The following PIK3C2G variants were observed in gnomAD, a reference collection of about 807,000 sequenced individuals.
PIK3C2G encodes the protein phosphatidylinositol-4-phosphate 3-kinase catalytic subunit type 2 gamma.
PIK3C2G carries 168 observed loss-of-function variants against 181.1 expected under a neutral mutation model. The ratio of observed to expected loss-of-function variants is 0.93; its 90% CI spans 0.82 to 1.05. The LOEUF (loss-of-function observed/expected upper bound fraction) is 1.05. Among genes scored for constraint, PIK3C2G ranks in the 50% least tolerant of loss-of-function variants. The pLI, the probability that PIK3C2G is intolerant of heterozygous loss-of-function variation, is 0.00. For missense variants in PIK3C2G, 1,869 were observed against 1,732.8 expected, an observed-to-expected ratio of 1.08 and a Z score of -1.40; for synonymous variants, 573 against 592.2, an observed-to-expected ratio of 0.97 and a Z score of 0.47.
chr12:18,552,137 A>G (rs1400826789), intron 26 of PIK3C2G, among the ~76,000 whole-genome samples: 1 of 152,076 alleles, frequency 6.6e-6, no homozygotes, highest in Non-Finnish European at 1.5e-5. Flanking sequence ...TGTGGATGGC[A>G]TCCCGAGAGT....
intron 18 of PIK3C2G, among the ~76,000 whole-genome samples, chr12:18,458,559 C>A (rs893558550): frequency 6.6e-6 from 1 of 151,926 alleles, no homozygotes; most frequent in African/African-American, 2.4e-5. Context: ...GATCCCCTGC[C>A]CTACAATGTG....
At chr12:18,311,721 TAGTC>T (rs1950646743) in intron 5 of PIK3C2G, among the ~76,000 whole-genome samples, 1 of 152,078 alleles carries the variant, frequency 6.6e-6, no homozygotes, top group African/African-American at 2.4e-5. Flanking sequence ...CTAGATGTAT[TAGTC>T]AGGGTTCTCT....
chr12:18,526,256 C>G (rs763840750), intron 24 of PIK3C2G, among the ~76,000 whole-genome samples: 9 of 152,106 alleles, frequency 5.9e-5, no homozygotes, highest in Non-Finnish European at 1.0e-4. Flanking sequence ...CTCCTTCATG[C>G]TTTAATTACT....
the PIK3C2G span, among the ~76,000 whole-genome samples, chr12:18,710,164 C>A: frequency 6.8e-6 from 1 of 147,690 alleles, no homozygotes; most frequent in East Asian, 2.0e-4. Context: ...CATTTTGTCT[C>A]TTTTTCTTAT....
the PIK3C2G span, among the ~76,000 whole-genome samples, chr12:18,722,028 G>C: frequency 6.6e-6 from 1 of 151,944 alleles, no homozygotes; most frequent in African/African-American, 2.4e-5. Flanking sequence ...CAGTCCTCCT[G>C]TTCCTTCAGT....
chr12:18,269,448 ATTATCTCCC>A (rs1948652257), intron 1 of PIK3C2G, among the ~76,000 whole-genome samples: 1 of 152,132 alleles, frequency 6.6e-6, no homozygotes, highest in African/African-American at 2.4e-5. Flanking sequence ...GTAATGAAAC[ATTATCTCCC>A]CTAGGTTTTC....
intron 7 of PIK3C2G, among the ~76,000 whole-genome samples, chr12:18,324,377 T>C (rs1264532883): frequency 6.7e-6 from 1 of 150,224 alleles, no homozygotes; most frequent in Non-Finnish European, 1.5e-5. Flanking sequence ...ACTGTAAAAA[T>C]AATGGTGTTT....
chr12:18,438,426 C>T (rs1168036532), intron 18 of PIK3C2G, among the ~76,000 whole-genome samples: 1 of 151,904 alleles, frequency 6.6e-6, no homozygotes, highest in Non-Finnish European at 1.5e-5. Flanking sequence ...GAATTCTAAT[C>T]ATCTAACTTT....
chr12:18,256,698 T>C (rs985542011), upstream of PIK3C2G, among the ~76,000 whole-genome samples: 6 of 152,240 alleles, frequency 3.9e-5, no homozygotes, highest in African/African-American at 1.2e-4. Context: ...TTTTTAAGGA[T>C]TGCAAATGAC....
At chr12:18,621,524 A>G (rs891451554) in intron 31 of PIK3C2G, among the ~76,000 whole-genome samples, 1 of 151,684 alleles carries the variant, frequency 6.6e-6, no homozygotes, top group African/African-American at 2.4e-5. Context: ...AAGATTAAAT[A>G]TGTATAACAT....
chr12:18,566,926 A>C (rs1202336532), intron 28 of PIK3C2G, 23 bp from the exon 29 acceptor site: 1 of 1,238,920 alleles, frequency 8.1e-7, no homozygotes, highest in Non-Finnish European at 1.2e-6. Flanking sequence ...TAATGAAGAT[A>C]ACTTTTTTTT....
At chr12:18,361,216 A>G (rs2137793064) in intron 11 of PIK3C2G, among the ~76,000 whole-genome samples, 3 of 152,200 alleles carry the variant, frequency 2.0e-5, no homozygotes, top group Admixed American at 2.0e-4. Context: ...TAAATTTCTC[A>G]ACTCAGTTAT....
chr12:18,480,104 G>A (rs953530179), intron 18 of PIK3C2G, among the ~76,000 whole-genome samples: 5 of 152,214 alleles, frequency 3.3e-5, no homozygotes, highest in Non-Finnish European at 7.4e-5. Context: ...ATCAGGAAAG[G>A]AGAAAACCAA....
chr12:18,464,108 T>C (rs910811225), intron 18 of PIK3C2G, among the ~76,000 whole-genome samples: 1 of 152,054 alleles, frequency 6.6e-6, no homozygotes, highest in South Asian at 2.1e-4. Context: ...CTGACTTTAG[T>C]GAATGAAAGA....
rs1305749045 is a variant in PIK3C2G, at chr12:18,324,140, A to T, written c.1209-895A>T. Among the ~76,000 whole-genome samples the T allele has an allele frequency of 2.0e-5, 3 of 152,110 alleles. No homozygotes were observed. In the East Asian group the frequency reaches 5.9e-4, roughly 30 times the overall value. On this transcript the variant is annotated intron_variant, in intron 7 of 32. Transcript: ENST00000538779. ...GATGCTGAGGCAGGAGAATGACGTG[A>T]ACCCCGGGGGGCGGAGCCTGCAGTG... is the stretch of plus-strand genomic sequence containing the variant.
intron 12 of PIK3C2G, among the ~76,000 whole-genome samples, chr12:18,367,248 T>C (rs892882246): frequency 2.0e-5 from 3 of 152,236 alleles, no homozygotes; most frequent in Non-Finnish European, 4.4e-5. Flanking sequence ...CAGCATTTTA[T>C]GTCAAGTTTC....
At chr12:18,279,662 G>A (rs1390186177) in intron 1 of PIK3C2G, among the ~76,000 whole-genome samples, 2 of 151,962 alleles carry the variant, frequency 1.3e-5, no homozygotes, top group Non-Finnish European at 2.9e-5. Flanking sequence ...ATAGACAGTT[G>A]AAGGAGTACA....
the PIK3C2G span, among the ~76,000 whole-genome samples, chr12:18,684,847 AG>A: frequency 6.6e-6 from 1 of 151,974 alleles, no homozygotes; most frequent in Admixed American, 6.6e-5. Flanking sequence ...ACTGGATTAT[AG>A]GGGGCTGTTC....
At chr12:18,720,070 T>C in the PIK3C2G span, among the ~76,000 whole-genome samples, 1 of 152,148 alleles carries the variant, frequency 6.6e-6, no homozygotes, top group African/African-American at 2.4e-5. Flanking sequence ...AGATTAGTTT[T>C]CTTTGGTTGT....
Sources: gnomAD v4.1 joint callset for allele counts (sites outside exome capture counted in the v4.1 genomes callset) on GRCh38, gnomAD v4.1.1 for gene constraint, MANE v1.5 for transcripts, NCBI Gene and HGNC (gene_info 2026-07-23, HGNC 2026-07-21) for gene names.